The following AKAP13 variants were observed in gnomAD, a reference collection of about 807,000 sequenced individuals.
AKAP13 encodes the protein A-kinase anchor protein 13.
A neutral mutation model predicts 264.5 loss-of-function variants in AKAP13; 80 were observed. That is an observed-to-expected ratio of 0.30 (90% CI 0.25 to 0.36). The LOEUF (loss-of-function observed/expected upper bound fraction) is 0.36, where lower values mean the gene tolerates loss of function less well. AKAP13 is among the 10% of genes least tolerant of loss of function. AKAP13 has a pLI of 1.00. For missense variants in AKAP13, 3,712 were observed against 3,435.2 expected (o/e 1.08, Z -2.01); for synonymous variants, 1,380 against 1,250.2 (o/e 1.10, Z -2.19).
chr15:85,408,178 A>G (rs989616965), intron 1 of AKAP13, among the ~76,000 whole-genome samples: 1 of 151,696 alleles, frequency 6.6e-6, no homozygotes, highest in Non-Finnish European at 1.5e-5. Context: ...ACCTCATTCA[A>G]AGTGGTTCTT....
intron 1 of AKAP13, among the ~76,000 whole-genome samples, chr15:85,406,405 T>TG (rs1016738687): frequency 6.8e-6 from 1 of 147,816 alleles, no homozygotes; most frequent in Admixed American, 6.6e-5. Flanking sequence ...AGTTTTTTTT[T>TG]TTGTTTTTTT....
intron 8 of AKAP13, among the ~76,000 whole-genome samples, chr15:85,601,650 T>TGTG (rs1567149369): frequency 2.8e-5 from 1 of 35,568 alleles, no homozygotes; most frequent in African/African-American, 1.2e-4. Flanking sequence ...GTGTGTGTGT[T>TGTG]TTTCTTCCAG....
At chr15:85,428,502 C>T (rs1346592161) in intron 1 of AKAP13, among the ~76,000 whole-genome samples, 1 of 152,184 alleles carries the variant, frequency 6.6e-6, no homozygotes, top group Non-Finnish European at 1.5e-5. Flanking sequence ...CCTGGCCTTA[C>T]CCTTATTTAA....
At chr15:85,561,067 T>C (rs1169622681) in intron 5 of AKAP13, among the ~76,000 whole-genome samples, 3 of 150,890 alleles carry the variant, frequency 2.0e-5, no homozygotes, top group Non-Finnish European at 4.4e-5. Flanking sequence ...TTTTTTTTTT[T>C]TTTTTTTTTA....
chr15:85,552,078 C>T (rs1276393602), intron 5 of AKAP13, among the ~76,000 whole-genome samples: 1 of 152,142 alleles, frequency 6.6e-6, no homozygotes, highest in African/African-American at 2.4e-5. Flanking sequence ...AGAATATCAC[C>T]AGCATAGAAT....
intron 10 of AKAP13, among the ~76,000 whole-genome samples, chr15:85,649,387 C>A (rs532370082): frequency 6.6e-6 from 1 of 152,348 alleles, no homozygotes; most frequent in South Asian, 2.1e-4. Context: ...GATAGGCCAT[C>A]AGCTGCTTCC....
chr15:85,381,792 C>G (rs2070287190), intron 1 of AKAP13: 1 of 152,026 alleles, frequency 6.6e-6, no homozygotes, highest in African/African-American at 2.4e-5. Flanking sequence ...TGCTTCAGTA[C>G]AGTAAAAACC....
At chr15:85,741,001 T>C in intron 34 of AKAP13, 45 bp from the exon 35 acceptor site, 1 of 1,557,814 alleles carries the variant, frequency 6.4e-7, no homozygotes, top group South Asian at 1.2e-5. Context: ...AAGCTCGCTG[T>C]CGTCCTGGCC....
At chr15:85,690,867 T>C (rs1224033905) in intron 16 of AKAP13, among the ~76,000 whole-genome samples, 1 of 152,222 alleles carries the variant, frequency 6.6e-6, no homozygotes, top group Non-Finnish European at 1.5e-5. Flanking sequence ...CTCAAATGCA[T>C]TATTAAACAT....
intron 17 of AKAP13, chr15:85,702,571 G>A (rs1444760825): frequency 6.6e-6 from 1 of 152,166 alleles, no homozygotes; most frequent in African/African-American, 2.4e-5. Flanking sequence ...AGGAGACAGT[G>A]GCTTCCCATT....
intron 5 of AKAP13, among the ~76,000 whole-genome samples, chr15:85,547,131 A>T (rs1017250733): frequency 1.3e-5 from 2 of 152,236 alleles, no homozygotes; most frequent in Non-Finnish European, 2.9e-5. Flanking sequence ...GGCCTCTTTT[A>T]TTGCCTCTTT....
chr15:85,644,281 G>C (rs190200043), intron 9 of AKAP13, among the ~76,000 whole-genome samples: 65 of 150,330 alleles, frequency 4.3e-4, no homozygotes, highest in African/African-American at 1.6e-3. Context: ...ACCTAGGCTG[G>C]AGTGCAATGG....
At chr15:85,582,863 CT>C in intron 7 of AKAP13, 1 of 985,302 alleles carries the variant, frequency 1.0e-6, no homozygotes, top group Non-Finnish European at 1.2e-6. Context: ...CAGGGCAGAC[CT>C]TGTGTCTGCT....
At chr15:85,564,740 C>T (rs2078541828) in intron 5 of AKAP13, among the ~76,000 whole-genome samples, 1 of 152,086 alleles carries the variant, frequency 6.6e-6, no homozygotes, top group Admixed American at 6.5e-5. Flanking sequence ...CCATCTTAAA[C>T]GTTGTGAGTA....
intron 8 of AKAP13, among the ~76,000 whole-genome samples, chr15:85,590,807 A>G (rs1287789066): frequency 1.3e-5 from 2 of 152,164 alleles, no homozygotes; most frequent in Non-Finnish European, 2.9e-5. Flanking sequence ...TATTCAGATT[A>G]CCTTTCGTTG....
At chr15:85,677,517 G>GT (rs1173602890) in intron 14 of AKAP13, among the ~76,000 whole-genome samples, 5 of 151,942 alleles carry the variant, frequency 3.3e-5, no homozygotes, top group African/African-American at 1.2e-4. Flanking sequence ...CATCTGTGGT[G>GT]TTTAAAAGCT....
intron 1 of AKAP13, among the ~76,000 whole-genome samples, chr15:85,422,648 C>T (rs1174030987): frequency 6.6e-6 from 1 of 152,184 alleles, no homozygotes; most frequent in Non-Finnish European, 1.5e-5. Flanking sequence ...CTGTGCATAC[C>T]TGCATATGAT....
At chr15:85,686,191 A>G (rs55821117) in intron 16 of AKAP13, among the ~76,000 whole-genome samples, 28,521 of 151,436 alleles carry the variant, frequency 0.19, 3,544 homozygotes, top group Middle Eastern at 0.4. Context: ...ACGTGCATGC[A>G]TGTGTGTGTG....
intron 5 of AKAP13, among the ~76,000 whole-genome samples, chr15:85,564,772 C>CT (rs1257813127): frequency 6.6e-6 from 1 of 152,166 alleles, no homozygotes; most frequent in African/African-American, 2.4e-5. Flanking sequence ...TATTTGTACT[C>CT]TTCTGCCCTG....
Sources: gnomAD v4.1 joint callset for allele counts (sites outside exome capture counted in the v4.1 genomes callset) on GRCh38, gnomAD v4.1.1 for gene constraint, MANE v1.5 for transcripts, NCBI Gene and HGNC (gene_info 2026-07-23, HGNC 2026-07-21) for gene names.